Variants in P2RY8 observed in about 807,000 individuals in gnomAD.
The protein encoded by P2RY8 is P2Y receptor family member 8, also known as S-geranylgeranyl-glutathione receptor P2RY8.
In P2RY8, 6 loss-of-function variants were observed where a neutral mutation model predicts 10.0. That is an observed-to-expected ratio of 0.60 (90% CI 0.33 to 1.19). The LOEUF (loss-of-function observed/expected upper bound fraction) is 1.19, where lower values mean the gene tolerates loss of function less well. P2RY8 is among the 50% of genes most tolerant of loss of function. P2RY8 has a pLI of 0.04. For synonymous variants in P2RY8, 276 were observed against 252.5 expected, an observed-to-expected ratio of 1.09 and a Z score of -0.88; for missense variants, 456 against 542.0, an observed-to-expected ratio of 0.84 and a Z score of 1.58.
chrX:1,467,272 C>T (rs2091699371), intron 1 of P2RY8, among the ~76,000 whole-genome samples: 1 of 152,174 alleles, frequency 6.6e-6, no homozygotes, highest in Admixed American at 6.5e-5. Context: ...CACGGCTCCT[C>T]CCTGCTCTTT....
chrX:1,494,965 G>C (rs1397563493), intron 1 of P2RY8, among the ~76,000 whole-genome samples: 1 of 136,606 alleles, frequency 7.3e-6, no homozygotes, highest in Non-Finnish European at 1.7e-5. Flanking sequence ...TGATCCACCC[G>C]CCTCGGCCTC....
intron 1 of P2RY8, among the ~76,000 whole-genome samples, chrX:1,493,106 T>A (rs2092070011): frequency 1.3e-5 from 2 of 150,478 alleles, no homozygotes; most frequent in Admixed American, 6.7e-5. Flanking sequence ...GTCAACATAG[T>A]GAGACCCCAT....
chrX:1,533,976 A>G (rs1308774314), intron 1 of P2RY8, among the ~76,000 whole-genome samples: 1 of 124,130 alleles, frequency 8.1e-6, no homozygotes, highest in African/African-American at 3.3e-5. Flanking sequence ...TTATAACTTA[A>G]ATATATTATA....
chrX:1,523,811 T>C lies in P2RY8; in HGVS notation c.-25+13110A>G, dbSNP rs547042911. On this transcript the variant is annotated intron_variant, in intron 1 of 1. Coordinates refer to ENST00000381297, the MANE Select transcript of P2RY8 (RefSeq NM_178129.5). ...GATTCTCCTGCCTCAGCCTCCCCAG[T>C]AGCTGGGATTATAGGTGCCGCACCA... is the stretch of plus-strand genomic sequence containing the variant. 2.0e-5 allele frequency among the ~76,000 whole-genome samples: 3 copies of C among 152,292 alleles called. No individual in the cohort carries two copies. The South Asian group carries it at 6.2e-4, about 32-fold the overall frequency.
chrX:1,481,948 A>C (rs1465972125), intron 1 of P2RY8, among the ~76,000 whole-genome samples: 1 of 152,164 alleles, frequency 6.6e-6, no homozygotes, highest in East Asian at 1.9e-4. Context: ...CCAACGAAGC[A>C]GACCGTTTGC....
chrX:1,475,354 A>G (rs1233054040), intron 1 of P2RY8, among the ~76,000 whole-genome samples: 1 of 152,004 alleles, frequency 6.6e-6, no homozygotes, highest in Non-Finnish European at 1.5e-5. Context: ...CCACCATGAA[A>G]TGCCGATTGT....
chrX:1,505,201 C>A (rs1332243511), intron 1 of P2RY8, among the ~76,000 whole-genome samples: 1 of 150,514 alleles, frequency 6.6e-6, no homozygotes, highest in South Asian at 2.1e-4. Flanking sequence ...TGAATCAGGG[C>A]GTCTCAGAGG....
intron 1 of P2RY8, among the ~76,000 whole-genome samples, chrX:1,488,733 G>GGTGTGTGTGTGTGT (rs771296428): frequency 3.4e-5 from 5 of 147,530 alleles, no homozygotes; most frequent in Admixed American, 6.8e-5. Context: ...GTAAATGCAG[G>GGTGTGTGTGTGTGT]GTGTGTGTGT....
chrX:1,474,166 G>GTATGGATGGGTGGA (rs2091843965), intron 1 of P2RY8, among the ~76,000 whole-genome samples: 1 of 147,342 alleles, frequency 6.8e-6, no homozygotes, highest in African/African-American at 2.5e-5. Context: ...GGATGGGTGG[G>GTATGGATGGGTGGA]TGTATGGATG....
At chrX:1,492,733 C>A (rs2092065449) in intron 1 of P2RY8, among the ~76,000 whole-genome samples, 2 of 152,052 alleles carry the variant, frequency 1.3e-5, no homozygotes, top group East Asian at 1.9e-4. Context: ...GCAGGTTGGG[C>A]TCCCAGTTGA....
intron 1 of P2RY8, among the ~76,000 whole-genome samples, chrX:1,531,864 C>T (rs192275041): frequency 1.3e-5 from 2 of 152,272 alleles, no homozygotes; most frequent in African/African-American, 2.4e-5. Flanking sequence ...TGTGACATCA[C>T]CTCACTCCTG....
intron 1 of P2RY8, among the ~76,000 whole-genome samples, chrX:1,481,580 A>T (rs868799227): frequency 2.3e-5 from 2 of 88,650 alleles, no homozygotes; most frequent in Admixed American, 1.0e-4. Flanking sequence ...CAGCTTTGGG[A>T]TTAGGAGAGT....
At chrX:1,500,825 T>G (rs1181590648) in intron 1 of P2RY8, among the ~76,000 whole-genome samples, 10 of 152,056 alleles carry the variant, frequency 6.6e-5, no homozygotes, top group African/African-American at 2.4e-4. Flanking sequence ...TGACGACCAA[T>G]GGGCTGCCGT....
At position 1,492,890 on chromosome X, in the gene P2RY8, C is replaced by G. The variant is rs758108772; in HGVS notation, c.-24-26308G>C. On this transcript the variant is annotated intron_variant, in intron 1 of 1. Coordinates refer to ENST00000381297, the MANE Select transcript of P2RY8 (RefSeq NM_178129.5). ...TGGTTCAAGGCTAACGAGCAGCACT[C>G]AGCGCCCACCTCTGCCTCTTTCTGG... Among the ~76,000 whole-genome samples, 3 of 152,160 alleles carry G rather than the reference C, an allele frequency of 2.0e-5. No individual in the cohort carries two copies. In the East Asian group the frequency reaches 5.8e-4, roughly 30 times the overall value.
At chrX:1,523,830 C>T (rs1162525608) in intron 1 of P2RY8, among the ~76,000 whole-genome samples, 6 of 152,050 alleles carry the variant, frequency 3.9e-5, no homozygotes, top group East Asian at 1.9e-4. Context: ...TTATAGGTGC[C>T]GCACCACCAC....
rs1756166499 is a variant in P2RY8, at chrX:1,532,782, A to T, written c.-25+4139T>A. The stretch of plus-strand genomic sequence containing the variant: ...TTTGGGAGGTCGAGGTGGGCAGATC[A>T]CAAGGTCAGGAGTTTGAGACCAGCC... On this transcript the variant is annotated intron_variant, in intron 1 of 1. Transcript: ENST00000381297. 2.0e-5 allele frequency among the ~76,000 whole-genome samples: 3 copies of T among 151,966 alleles called. No individual in the cohort carries two copies. The South Asian group carries it at 6.2e-4, about 31-fold the overall frequency.
chrX:1,467,198 C>T (rs2091697706), intron 1 of P2RY8, among the ~76,000 whole-genome samples: 1 of 152,140 alleles, frequency 6.6e-6, no homozygotes, highest in African/African-American at 2.4e-5. Context: ...ACACACACTC[C>T]GAGTGCCAGG....
At chrX:1,529,310 C>T (rs1268535790) in intron 1 of P2RY8, among the ~76,000 whole-genome samples, 17 of 152,212 alleles carry the variant, frequency 1.1e-4, no homozygotes, top group Middle Eastern at 3.4e-3. Flanking sequence ...TCCAGAGTCC[C>T]TTGACCCAGC....
At chrX:1,473,249 G>A (rs1393725773) in intron 1 of P2RY8, among the ~76,000 whole-genome samples, 11 of 150,372 alleles carry the variant, frequency 7.3e-5, no homozygotes, top group Admixed American at 4.6e-4. Flanking sequence ...AGATGGGTGC[G>A]TGGACGGATG....
Sources: allele counts gnomAD v4.1 joint callset (sites outside exome capture counted in the v4.1 genomes callset), GRCh38; gene constraint gnomAD v4.1.1; transcripts MANE v1.5; gene names NCBI Gene and HGNC (gene_info 2026-07-23, HGNC 2026-07-21).